FAM135B: variants seen among roughly 807,000 people sequenced by gnomAD.
FAM135B encodes the protein protein FAM135B.
Under a neutral mutation model 127.7 loss-of-function variants are expected in FAM135B, and 43 were observed. The ratio of observed to expected loss-of-function variants is 0.34; its 90% confidence interval spans 0.26 to 0.43. The LOEUF (loss-of-function observed/expected upper bound fraction) is 0.43. Among genes scored for constraint, FAM135B ranks in the 20% least tolerant of loss-of-function variants. FAM135B has a pLI of 1.00. For synonymous variants in FAM135B, 670 were observed against 665.1 expected (o/e 1.01, Z -0.11); for missense variants, 1,558 against 1,725.6 (o/e 0.90, Z 1.72).
At chr8:138,447,841 T>C (rs747760696) in intron 1 of FAM135B, among the ~76,000 whole-genome samples, 48 of 149,852 alleles carry the variant, frequency 3.2e-4, no homozygotes, top group Non-Finnish European at 5.8e-4. Context: ...AAGCCTCAGG[T>C]TATATGAAGA....
chr8:138,219,401 T>A (rs1818849385), intron 7 of FAM135B, among the ~76,000 whole-genome samples: 1 of 152,218 alleles, frequency 6.6e-6, no homozygotes, highest in Non-Finnish European at 1.5e-5. Context: ...CCCTGGCAGC[T>A]TTCATCGTAG....
intron 1 of FAM135B, among the ~76,000 whole-genome samples, chr8:138,403,105 A>G (rs1189077954): frequency 6.6e-6 from 1 of 152,184 alleles, no homozygotes; most frequent in African/African-American, 2.4e-5. Flanking sequence ...TTGCTGTTTA[A>G]GCCATCCTGT....
intron 1 of FAM135B, among the ~76,000 whole-genome samples, chr8:138,409,439 T>G (rs1477283777): frequency 6.6e-6 from 1 of 152,032 alleles, no homozygotes; most frequent in African/African-American, 2.4e-5. Flanking sequence ...ATGAAAATTG[T>G]GAGAATCAGC....
intron 7 of FAM135B, among the ~76,000 whole-genome samples, chr8:138,213,372 G>C (rs533950197): frequency 6.6e-6 from 1 of 152,202 alleles, no homozygotes; most frequent in Admixed American, 6.5e-5. Flanking sequence ...TATTAATATC[G>C]TTATAATGCC....
At position 138,167,986 on chromosome 8, in the gene FAM135B, G is replaced by A. The variant is rs369552724; in HGVS notation, c.1167C>T (p.Pro389=). The A allele has an allele frequency of 7.0e-5, 113 of 1,613,974 alleles. No individual in the cohort carries two copies. In the African/African-American group the frequency reaches 1.4e-3, roughly 20 times the overall value. ...TGTCCAGGCACTCTGCAGGCAGCGG[G>A]GGCATGCTAGTGAGGTACTCCGAGT... ...IRNSEYLTSM[P]PLPAECLDID... is the part of the protein sequence containing the mutation. Residue 389 remains proline, a synonymous_variant, in exon 12 of 20, where the codon CCC becomes CCT. Transcript: ENST00000395297.
chr8:138,171,790 G>A (rs187975225), intron 11 of FAM135B, among the ~76,000 whole-genome samples: 1 of 152,308 alleles, frequency 6.6e-6, no homozygotes, highest in Admixed American at 6.5e-5. Flanking sequence ...AGTCTGACCA[G>A]GCAGGGAGTC....
chr8:138,393,186 G>T (rs1832678384), intron 1 of FAM135B, among the ~76,000 whole-genome samples: 1 of 152,278 alleles, frequency 6.6e-6, no homozygotes. Flanking sequence ...ATCTCCCAGT[G>T]GGTCCCTCCC....
At position 138,442,237 on chromosome 8, in the gene FAM135B, C is replaced by CATATATATATAT. The variant is rs759993575; in HGVS notation, c.-20+54422_-20+54433dup. On this transcript the variant is annotated intron_variant, in intron 1 of 19. Coordinates refer to ENST00000395297, the MANE Select transcript of FAM135B (RefSeq NM_015912.4). ...AATTTAACGTGAAGAATATGGACACCATATATATATATATATATATATATA... is the reference window on the plus strand; with the variant it reads ...AATTTAACGTGAAGAATATGGACACCATATATATATATATATATATATATATATATATATATA... 3.8e-3 allele frequency among the ~76,000 whole-genome samples: 197 copies of CATATATATATAT among 51,846 alleles called. 7 individuals carry two copies. Among genetic ancestry groups the CATATATATATAT allele is most frequent in the East Asian group, 7.2e-3 (3 of 414 alleles). 34.0% of individuals were successfully genotyped at this position (51,846 alleles called of 152,430 possible). A position where few individuals can be genotyped will look rare whatever the true frequency, so the allele number is the denominator to read the frequency against.
intron 12 of FAM135B, among the ~76,000 whole-genome samples, chr8:138,166,174 A>G (rs7819920): frequency 0.59 from 89,402 of 151,456 alleles, 26,555 homozygotes; most frequent in East Asian, 0.81. Flanking sequence ...TGAGTTTGTG[A>G]GGTTGTTTAT....
chr8:138,145,829 G>A (rs1020998213), intron 15 of FAM135B, 130 bp downstream of exon 15: 2 of 566,352 alleles, frequency 3.5e-6, no homozygotes, highest in Non-Finnish European at 6.3e-6. Context: ...CCATCCAAAT[G>A]CCTGGCCAGC....
At position 138,250,888 on chromosome 8, in the gene FAM135B, C is replaced by T. The variant is rs200742309; in HGVS notation, c.495G>A (p.Ser165=). ...CCACCAGGGCAGCATGGACGGTCACCGAGATCACAGACAGGTGGAAATAGT... is the reference window on the plus strand; with the variant it reads ...CCACCAGGGCAGCATGGACGGTCACTGAGATCACAGACAGGTGGAAATAGT... ...MFDYFHLSVI[S]VTVHAALVAL... Residue 165 remains serine (S), a synonymous_variant, in exon 6 of 20, where the codon TCG becomes TCA. Coordinates refer to ENST00000395297, the MANE Select transcript of FAM135B (RefSeq NM_015912.4). The T allele has an allele frequency of 2.1e-5, 34 of 1,613,842 alleles. 1 individual carries two copies. The highest frequency in any genetic ancestry group is 2.7e-5 in the Non-Finnish European group (32 of 1,180,004).
intron 7 of FAM135B, among the ~76,000 whole-genome samples, chr8:138,206,298 A>G (rs1817578536): frequency 6.6e-6 from 1 of 151,280 alleles, no homozygotes; most frequent in Non-Finnish European, 1.5e-5. Flanking sequence ...CAGCTCTATC[A>G]TCCCCTCCAC....
At position 138,426,060 on chromosome 8, in the gene FAM135B, T is replaced by TATACAC. The variant is rs1554690923; in HGVS notation, c.-19-58059_-19-58058insGTGTAT. Among the ~76,000 whole-genome samples the TATACAC allele has an allele frequency of 6.2e-5, 8 of 128,036 alleles. 1 individual carries two copies. The highest frequency in any genetic ancestry group is 1.8e-4 in the African/African-American group (6 of 33,612). The allele number at this position is 128,036 out of a possible 152,430, so 84.0% of individuals were successfully genotyped here. ...ACACACACACACACACATATATATA[T>TATACAC]ACACACACACACATATATAAAATGT... On this transcript the variant is annotated intron_variant, in intron 1 of 19. Coordinates refer to ENST00000395297, the MANE Select transcript of FAM135B (RefSeq NM_015912.4).
intron 1 of FAM135B, among the ~76,000 whole-genome samples, chr8:138,373,612 G>C (rs750378095): frequency 6.6e-6 from 1 of 151,948 alleles, no homozygotes; most frequent in Non-Finnish European, 1.5e-5. Flanking sequence ...CTGGTGAGCT[G>C]GGCGGAACAG....
chr8:138,383,831 G>A (rs1478921157), intron 1 of FAM135B, among the ~76,000 whole-genome samples: 1 of 152,058 alleles, frequency 6.6e-6, no homozygotes, highest in Non-Finnish European at 1.5e-5. Context: ...CAATCAAACT[G>A]GGTTCCTTAC....
intron 1 of FAM135B, among the ~76,000 whole-genome samples, chr8:138,456,831 G>T (rs1457607220): frequency 6.6e-6 from 1 of 152,052 alleles, no homozygotes; most frequent in Non-Finnish European, 1.5e-5. Context: ...ATATACATCA[G>T]TACTTAGTAA....
intron 1 of FAM135B, chr8:138,437,176 G>A (rs2131531069): frequency 6.6e-6 from 1 of 152,294 alleles, no homozygotes. Flanking sequence ...GAAGAATAAA[G>A]TAATAACGTT....
At chr8:138,443,488 C>G (rs1835928705) in intron 1 of FAM135B, among the ~76,000 whole-genome samples, 2 of 152,068 alleles carry the variant, frequency 1.3e-5, no homozygotes, top group African/African-American at 4.8e-5. Context: ...GGACATTTTT[C>G]AAAATCTTAC....
intron 1 of FAM135B, among the ~76,000 whole-genome samples, chr8:138,435,090 G>A (rs893611194): frequency 5.9e-5 from 9 of 151,990 alleles, no homozygotes; most frequent in African/African-American, 1.9e-4. Flanking sequence ...GGTGGATCAC[G>A]AGGTCAGGAG....
Sources: gnomAD v4.1 joint callset for allele counts (sites outside exome capture counted in the v4.1 genomes callset) on GRCh38, gnomAD v4.1.1 for gene constraint, MANE v1.5 for transcripts, NCBI Gene and HGNC (gene_info 2026-07-23, HGNC 2026-07-21) for gene names.